The following PRKCZ variants were observed in gnomAD, a reference collection of about 807,000 sequenced individuals.
The protein encoded by PRKCZ is protein kinase C zeta type.
PRKCZ carries 33 observed loss-of-function variants against 79.5 expected under a neutral mutation model. The ratio of observed to expected loss-of-function variants is 0.41; its 90% CI spans 0.31 to 0.55. The LOEUF (loss-of-function observed/expected upper bound fraction) is 0.55, where lower values mean the gene tolerates loss of function less well. Ranked by LOEUF, PRKCZ falls within the 20% of genes least tolerant of loss-of-function variation. The pLI, the probability that PRKCZ is intolerant of heterozygous loss-of-function variation, is 0.19. For missense variants in PRKCZ, 578 were observed against 813.5 expected, an observed-to-expected ratio of 0.71 and a Z score of 3.52; for synonymous variants, 342 against 320.9, an observed-to-expected ratio of 1.07 and a Z score of -0.70.
At chr1:2,155,454 G>GTGA (rs1308833942) in intron 9 of PRKCZ, among the ~76,000 whole-genome samples, 1 of 152,012 alleles carries the variant, frequency 6.6e-6, no homozygotes, top group Non-Finnish European at 1.5e-5. Context: ...GATGATGGTG[G>GTGA]TGGTGATGGT....
At chr1:2,139,555 C>T (rs892275107) in intron 5 of PRKCZ, among the ~76,000 whole-genome samples, 2 of 152,140 alleles carry the variant, frequency 1.3e-5, no homozygotes, top group East Asian at 3.9e-4. Context: ...CACCACTGCA[C>T]TCCAGCCTGG....
chr1:2,122,140 T>C (rs1353634626), intron 4 of PRKCZ, among the ~76,000 whole-genome samples: 5 of 11,974 alleles, frequency 4.2e-4, no homozygotes, highest in African/African-American at 1.4e-3. Flanking sequence ...GTTAGGGTCG[T>C]GGTGGTTAGG....
intron 10 of PRKCZ, 137 bp downstream of exon 10, chr1:2,156,229 ACT>A (rs1681020585): frequency 2.8e-6 from 2 of 717,264 alleles, no homozygotes; most frequent in South Asian, 1.6e-5. Flanking sequence ...AGGCCAGCAG[ACT>A]CTCTTTGTTG....
At chr1:2,144,534 C>A (rs1678088066) in intron 6 of PRKCZ, 193 bp downstream of exon 6, 1 of 1,414,086 alleles carries the variant, frequency 7.1e-7, no homozygotes, top group Non-Finnish European at 9.2e-7. Flanking sequence ...CCCCCACAAG[C>A]CCCCGGCACA....
intron 16 of PRKCZ, among the ~76,000 whole-genome samples, chr1:2,180,382 C>T (rs1032586012): frequency 1.3e-4 from 20 of 151,194 alleles, no homozygotes; most frequent in African/African-American, 3.9e-4. Context: ...GACGCACAGA[C>T]GACATGGACG....
intron 3 of PRKCZ, 26 bp downstream of exon 3, chr1:2,056,599 AGCTCTGGGGG>A: frequency 6.3e-7 from 1 of 1,595,954 alleles, no homozygotes; most frequent in Non-Finnish European, 8.6e-7. Context: ...TGTGGTGGGC[AGCTCTGGGGG>A]GCTGTTCCTG....
At chr1:2,156,333 G>C in intron 10 of PRKCZ, 1 of 412,960 alleles carries the variant, frequency 2.4e-6, no homozygotes, top group Non-Finnish European at 4.6e-6. Context: ...ATCCCACTGA[G>C]TGCAGGCATT....
chr1:2,133,173 T>G (rs1675337338), intron 4 of PRKCZ, among the ~76,000 whole-genome samples: 1 of 152,156 alleles, frequency 6.6e-6, no homozygotes, highest in Non-Finnish European at 1.5e-5. Flanking sequence ...GCACTGGGGG[T>G]GGGTCCTGTG....
chr1:2,095,159 C>T (rs1278012301), intron 4 of PRKCZ, among the ~76,000 whole-genome samples: 1 of 152,170 alleles, frequency 6.6e-6, no homozygotes, highest in Non-Finnish European at 1.5e-5. Context: ...CCCTGGGGCA[C>T]CTGTGCTTCT....
Position 2,125,390 on chromosome 1 carries a change from GA to G in PRKCZ, c.335-9870del, listed in dbSNP as rs1278574398. 6.6e-6 allele frequency among the ~76,000 whole-genome samples: 1 copy of G among 152,206 alleles called. No individual in the cohort carries two copies. The highest frequency in any genetic ancestry group is 1.5e-5 in the Non-Finnish European group (1 of 68,044). ...AACTGATTGTAAGGCCAGACTGTTG[GA>G]ATGTAATTCCTTCCCAAACATCTCT... On this transcript the variant is annotated intron_variant, in intron 4 of 17. Transcript: ENST00000378567. This position sits in a 1 kb window ranked among gnomAD's most constrained non-coding sequence, Gnocchi z 4.2.
At chr1:2,067,388 C>T (rs149088930) in intron 4 of PRKCZ, among the ~76,000 whole-genome samples, 4 of 152,310 alleles carry the variant, frequency 2.6e-5, no homozygotes, top group South Asian at 2.1e-4. Context: ...CCTGTCTGTC[C>T]GTTCCTCTGC....
rs575816723 is a variant in PRKCZ, at chr1:2,165,081, C to T, written c.975-4437C>T. Among the ~76,000 whole-genome samples the T allele has an allele frequency of 1.7e-4, 26 of 152,346 alleles. No homozygotes were observed. In the East Asian group the frequency reaches 4.4e-3, roughly 26 times the overall value. On this transcript the variant is annotated intron_variant, in intron 10 of 17. Transcript: ENST00000378567. This position sits in a 1 kb window ranked among gnomAD's most constrained non-coding sequence, Gnocchi z 4.1. The stretch of plus-strand genomic sequence containing the variant: ...GTGCATTTCCTGGGCACTTTCTGGC[C>T]TTTTATCTTTGATGGAGAAATCCGA...
At chr1:2,095,834 CTTCTCCTCTT>C (rs1666384588) in intron 4 of PRKCZ, among the ~76,000 whole-genome samples, 1 of 135,754 alleles carries the variant, frequency 7.4e-6, no homozygotes, top group African/African-American at 2.8e-5. Context: ...CTTCCCCTCC[CTTCTCCTCTT>C]TTCCCCTCCC....
At chr1:2,061,305 T>TATACGAC (rs1557479361) in intron 4 of PRKCZ, among the ~76,000 whole-genome samples, 1 of 152,044 alleles carries the variant, frequency 6.6e-6, no homozygotes, top group Admixed American at 6.6e-5. Flanking sequence ...GCTCTTTCTG[T>TATACGAC]CTACGACCTC....
upstream of PRKCZ, chr1:2,050,153 C>T (rs938424674): frequency 6.6e-6 from 1 of 152,124 alleles, no homozygotes; most frequent in Non-Finnish European, 1.5e-5. Flanking sequence ...GTCCCAGAGG[C>T]CGGGGCCCCT....
chr1:2,116,816 T>C (rs1670848900), intron 4 of PRKCZ, among the ~76,000 whole-genome samples: 1 of 152,232 alleles, frequency 6.6e-6, no homozygotes, highest in Non-Finnish European at 1.5e-5. Flanking sequence ...AGTTGGCTTA[T>C]TTGCTTTCAA....
intron 4 of PRKCZ, among the ~76,000 whole-genome samples, chr1:2,131,147 A>C (rs1674876923): frequency 6.6e-6 from 1 of 151,972 alleles, no homozygotes; most frequent in Admixed American, 6.5e-5. Context: ...TTCCTTTGGT[A>C]TTTGCAAATT....
chr1:2,085,585 AG>A (rs1250927331), intron 4 of PRKCZ, among the ~76,000 whole-genome samples: 1 of 152,194 alleles, frequency 6.6e-6, no homozygotes, highest in Non-Finnish European at 1.5e-5. Context: ...GGAGGGGCTG[AG>A]GATATGGGGG....
intron 3 of PRKCZ, 136 bp downstream of exon 3, chr1:2,056,709 AT>A: frequency 1.5e-6 from 1 of 669,490 alleles, no homozygotes; most frequent in East Asian, 3.5e-5. Context: ...ATATAATGCC[AT>A]TTGGGTTTTT....
Sources: allele counts gnomAD v4.1 joint callset (sites outside exome capture counted in the v4.1 genomes callset), GRCh38; gene constraint gnomAD v4.1.1; non-coding constraint Gnocchi (gnomAD v3.1); transcripts MANE v1.5; gene names NCBI Gene and HGNC (gene_info 2026-07-23, HGNC 2026-07-21).